TAB3: variants seen among roughly 807,000 people sequenced by gnomAD.
TAB3 encodes the protein TGF-beta-activated kinase 1 and MAP3K7-binding protein 3.
Under a neutral mutation model 48.1 loss-of-function variants are expected in TAB3, and 18 were observed. The observed-to-expected ratio is 0.37, with a 90% confidence interval of 0.26 to 0.55. The LOEUF is 0.55. Ranked by LOEUF, TAB3 falls within the 20% of genes least tolerant of loss-of-function variation. The pLI, the probability that TAB3 is intolerant of heterozygous loss-of-function variation, is 0.78. For synonymous variants in TAB3, 185 were observed against 190.2 expected (o/e 0.97, Z 0.22); for missense variants, 414 against 549.8 (o/e 0.75, Z 2.47).
At chrX:30,870,434 G>A (rs1939630999) in intron 2 of TAB3, among the ~76,000 whole-genome samples, 1 of 111,465 alleles carries the variant, frequency 9.0e-6, no homozygotes, top group Non-Finnish European at 1.9e-5. Flanking sequence ...TAAGCTTGGC[G>A]ATACAGAAGA....
Position 30,880,445 on chromosome X carries a change from AG to A in TAB3, c.-382-8645del, listed in dbSNP as rs1216076741. Among the ~76,000 whole-genome samples the A allele has an allele frequency of 1.8e-4, 20 of 112,102 alleles. 1 individual carries two copies. Among genetic ancestry groups the A allele is most frequent in the Admixed American group, 4.7e-4 (5 of 10,615 alleles). On this transcript the variant is annotated intron_variant, in intron 1 of 10. Coordinates refer to ENST00000288422, the MANE Select transcript of TAB3 (RefSeq NM_152787.5). Reference sequence around the variant, plus strand: ...TGCTGGGAAAATTAGCTATCCATATAGGAAAAGACGGTATTATCCCCTACCT... The same window carrying A: ...TGCTGGGAAAATTAGCTATCCATATAGAAAAGACGGTATTATCCCCTACCT...
At chrX:30,881,901 A>G (rs1940008634) in intron 1 of TAB3, among the ~76,000 whole-genome samples, 1 of 112,399 alleles carries the variant, frequency 8.9e-6, no homozygotes, top group Admixed American at 9.4e-5. Flanking sequence ...GTTTACTGGC[A>G]GTGTCTCTCA....
chrX:30,850,469 T>C (rs760432608), intron 7 of TAB3, among the ~76,000 whole-genome samples: 324 of 110,670 alleles, frequency 2.9e-3, no homozygotes, highest in African/African-American at 9.9e-3. Flanking sequence ...TCCCAGCACT[T>C]TGGGAGGCCG....
intron 8 of TAB3, chrX:30,845,853 G>T: frequency 4.3e-6 from 2 of 465,533 alleles, no homozygotes; most frequent in African/African-American, 5.2e-5. Flanking sequence ...TACAATAACT[G>T]GCATAAACAG....
chrX:30,863,271 C>T (rs1939303849), intron 4 of TAB3, among the ~76,000 whole-genome samples: 1 of 112,394 alleles, frequency 8.9e-6, no homozygotes, highest in Non-Finnish European at 1.9e-5. Flanking sequence ...ATATATAACA[C>T]TCTCAAACTT....
rs1939488745 is a variant in TAB3, at chrX:30,868,324, A to AAGCTTT, written c.-279-776_-279-775insAAAGCT. 1.9e-4 allele frequency among the ~76,000 whole-genome samples: 12 copies of AAGCTTT among 64,454 alleles called. 4 individuals carry two copies. The highest frequency in any genetic ancestry group is 7.2e-4 in the African/African-American group (12 of 16,680). 56.0% of individuals were successfully genotyped at this position (64,454 alleles called of 115,157 possible). ...CTATATATATATATAGCTTATATAT[A>AAGCTTT]TATATATATAAGCTTTTATATATAT... On this transcript the variant is annotated intron_variant, in intron 2 of 10. Transcript: ENST00000288422.
At chrX:30,840,033 C>T (rs1938386730) in intron 9 of TAB3, among the ~76,000 whole-genome samples, 2 of 106,210 alleles carry the variant, frequency 1.9e-5, no homozygotes, top group African/African-American at 6.8e-5. Flanking sequence ...GGAAATCTGT[C>T]CACTTTATCT....
intron 5 of TAB3, 101 bp from the exon 6 acceptor site, chrX:30,855,663 G>A (rs749123127): frequency 9.5e-5 from 77 of 814,529 alleles, no homozygotes; most frequent in Non-Finnish European, 1.3e-4. Flanking sequence ...TACTGTCACA[G>A]AATAAATAGA....
chrX:30,882,005 G>A (rs1940010744), intron 1 of TAB3, among the ~76,000 whole-genome samples: 1 of 111,721 alleles, frequency 9.0e-6, no homozygotes, highest in Non-Finnish European at 1.9e-5. Flanking sequence ...CTATTTCTGT[G>A]GCATAAAAGA....
intron 1 of TAB3, among the ~76,000 whole-genome samples, chrX:30,877,272 A>G (rs1395963480): frequency 8.9e-6 from 1 of 112,163 alleles, no homozygotes; most frequent in Non-Finnish European, 1.9e-5. Flanking sequence ...ATTAAAATAC[A>G]GGCTCAGACA....
chrX:30,877,311 C>A (rs900943341), intron 1 of TAB3, among the ~76,000 whole-genome samples: 1 of 111,879 alleles, frequency 8.9e-6, no homozygotes, highest in Non-Finnish European at 1.9e-5. Flanking sequence ...CTCCAGCAAA[C>A]CCTCACTAAG....
At chrX:30,867,917 A>ATTT (rs773901517) in intron 2 of TAB3, among the ~76,000 whole-genome samples, 1 of 97,559 alleles carries the variant, frequency 1.0e-5, no homozygotes. Context: ...CATGCATATA[A>ATTT]TTTTTTTTTT....
chrX:30,878,633 T>A (rs916789907), intron 1 of TAB3, among the ~76,000 whole-genome samples: 8 of 111,352 alleles, frequency 7.2e-5, no homozygotes, highest in African/African-American at 2.6e-4. Context: ...ATATATAGAA[T>A]GCTGTGTCCA....
At chrX:30,869,596 G>T (rs2147391098) in intron 2 of TAB3, among the ~76,000 whole-genome samples, 1 of 112,087 alleles carries the variant, frequency 8.9e-6, no homozygotes, top group East Asian at 2.8e-4. Context: ...CCATATAAAT[G>T]ACAAAACATA....
At chrX:30,866,226 C>T (rs1463104118) in intron 4 of TAB3, among the ~76,000 whole-genome samples, 1 of 111,345 alleles carries the variant, frequency 9.0e-6, no homozygotes, top group Non-Finnish European at 1.9e-5. Context: ...TTAACACCCC[C>T]CACAAAGAAT....
chrX:30,880,002 G>A (rs1336002778), intron 1 of TAB3, among the ~76,000 whole-genome samples: 1 of 111,381 alleles, frequency 9.0e-6, no homozygotes, highest in Non-Finnish European at 1.9e-5. Flanking sequence ...ACAATCTTCC[G>A]GAGAAAATCA....
chrX:30,837,041 CTTTTTTTTTTTTTT>C, intron 9 of TAB3, among the ~76,000 whole-genome samples: 1 of 36,581 alleles, frequency 2.7e-5, no homozygotes, highest in South Asian at 1.9e-3. Context: ...AAAATGACAT[CTTTTTTTTTTTTTT>C]TTTTTTTTTT....
chrX:30,838,056 A>G (rs1367798475), intron 9 of TAB3, among the ~76,000 whole-genome samples: 1 of 112,127 alleles, frequency 8.9e-6, no homozygotes, highest in Non-Finnish European at 1.9e-5. Context: ...CCAATATCAC[A>G]CTGTGGTTAT....
At chrX:30,834,175 A>G in intron 9 of TAB3, 23 bp from the exon 10 acceptor site, 1 of 1,168,714 alleles carries the variant, frequency 8.6e-7, no homozygotes, top group South Asian at 1.8e-5. Flanking sequence ...AAACAACGCC[A>G]GAAAGAAGTG....
Sources: gnomAD v4.1 joint callset for allele counts (sites outside exome capture counted in the v4.1 genomes callset) on GRCh38, gnomAD v4.1.1 for gene constraint, MANE v1.5 for transcripts, NCBI Gene and HGNC (gene_info 2026-07-23, HGNC 2026-07-21) for gene names.